The following KCNAB2 variants were observed in gnomAD, a reference collection of about 807,000 sequenced individuals.
KCNAB2 encodes voltage-gated potassium channel subunit beta-2.
A neutral mutation model predicts 63.6 loss-of-function variants in KCNAB2; 29 were observed. The observed-to-expected ratio is 0.46, with a 90% confidence interval of 0.34 to 0.62. The LOEUF is 0.62. Ranked by LOEUF, KCNAB2 falls within the 20% of genes least tolerant of loss-of-function variation. The pLI is 0.01. For missense variants in KCNAB2, 359 were observed against 563.9 expected (o/e 0.64, Z 3.68); for synonymous variants, 222 against 224.2 (o/e 0.99, Z 0.09).
chr1:6,065,225 C>G (rs545150559), intron 2 of KCNAB2, among the ~76,000 whole-genome samples: 1 of 152,240 alleles, frequency 6.6e-6, no homozygotes, highest in African/African-American at 2.4e-5. Context: ...ACATCCAGCC[C>G]GCAGAGTCCA....
At chr1:6,095,116 G>A (rs1309791231) in intron 11 of KCNAB2, among the ~76,000 whole-genome samples, 1 of 152,216 alleles carries the variant, frequency 6.6e-6, no homozygotes, top group African/African-American at 2.4e-5. Flanking sequence ...TCCGGCCTGG[G>A]GGTCCCACCA....
At chr1:6,058,671 C>T (rs79403991) in intron 2 of KCNAB2, among the ~76,000 whole-genome samples, 1 of 152,206 alleles carries the variant, frequency 6.6e-6, no homozygotes. Flanking sequence ...GGGTCTCACT[C>T]GTGCACCTAG....
At chr1:6,077,562 C>CG (rs955141448) in intron 4 of KCNAB2, among the ~76,000 whole-genome samples, 12 of 152,208 alleles carry the variant, frequency 7.9e-5, no homozygotes, top group South Asian at 4.1e-4. Context: ...TGCACGCCTT[C>CG]GGGGGTCTGT....
At position 6,099,906 on chromosome 1, in the gene KCNAB2, C is replaced by T; in HGVS notation, c.*1332C>T. ...AGGGCAAGGGATGCCAGTAAGTCTG[C>T]AGGTGCGGGGTGCCACCTACAGGCC... is the stretch of plus-strand genomic sequence containing the variant. On this transcript the variant is annotated 3_prime_UTR_variant, in exon 16 of 16. Coordinates refer to ENST00000378083, the MANE Select transcript of KCNAB2 (RefSeq NM_001199862.2). 1 of 1,550,368 alleles carries T rather than the reference C, an allele frequency of 6.5e-7. No individual in the cohort carries two copies. Among genetic ancestry groups the T allele is most frequent in the East Asian group, 2.4e-5 (1 of 40,900 alleles).
chr1:6,025,027 C>T (rs1431926144), intron 1 of KCNAB2, among the ~76,000 whole-genome samples: 3 of 152,212 alleles, frequency 2.0e-5, no homozygotes, highest in Admixed American at 2.0e-4. Context: ...CATGGCGCCT[C>T]GCTCTTTCTT....
chr1:6,074,393 G>A lies in KCNAB2; in HGVS notation c.300+623G>A, dbSNP rs569235404. 4.1e-4 allele frequency among the ~76,000 whole-genome samples: 63 copies of A among 152,206 alleles called. No individual in the cohort carries two copies. Among genetic ancestry groups the A allele is most frequent in the Non-Finnish European group, 8.2e-4 (56 of 68,050 alleles). Reference sequence around the variant, plus strand: ...GCCTCTGGGTCTCTCGGAAGGACAGGGACGGCACACGCCCAGACATGTGTG... The same window carrying A: ...GCCTCTGGGTCTCTCGGAAGGACAGAGACGGCACACGCCCAGACATGTGTG... On this transcript the variant is annotated intron_variant, in intron 4 of 15. Transcript: ENST00000378083. This position sits in a 1 kb window ranked among gnomAD's most constrained non-coding sequence, Gnocchi z 4.9.
In KCNAB2 at chr1:6,046,009, C is replaced by T; in HGVS notation, c.-201C>T. 3.0e-6 allele frequency: 3 copies of T among 985,432 alleles called. No individual in the cohort carries two copies. The highest frequency in any genetic ancestry group is 3.6e-6 in the Non-Finnish European group (3 of 829,924). The allele number at this position is 985,432 out of a possible 1,614,324, so 61.0% of individuals were successfully genotyped here. ...AACGCCCTAATAGAACTAATGGACT[C>T]GCTGCCTCAAAACTCGACTCTGGTG... On this transcript the variant is annotated 5_prime_UTR_variant, in exon 1 of 16. Coordinates refer to ENST00000378083, the MANE Select transcript of KCNAB2 (RefSeq NM_001199862.2).
intron 1 of KCNAB2, among the ~76,000 whole-genome samples, chr1:6,011,882 C>G (rs1366011760): frequency 6.6e-6 from 1 of 152,142 alleles, no homozygotes; most frequent in Non-Finnish European, 1.5e-5. Context: ...AGCAGAATTG[C>G]CCCCCGGAAG....
intron 1 of KCNAB2, among the ~76,000 whole-genome samples, chr1:6,017,158 G>A (rs553008661): frequency 6.6e-6 from 1 of 152,344 alleles, no homozygotes; most frequent in South Asian, 2.1e-4. Context: ...TAGGGCTGGG[G>A]ACGCAGGGTG....
chr1:6,013,499 C>T (rs1176608320), intron 1 of KCNAB2, among the ~76,000 whole-genome samples: 2 of 152,126 alleles, frequency 1.3e-5, no homozygotes, highest in African/African-American at 4.8e-5. Flanking sequence ...GAGGACAGCA[C>T]CAGCCTCCCC....
rs934875577 is a variant in KCNAB2, at chr1:6,076,705, G to A, written c.300+2935G>A. 3.9e-5 allele frequency among the ~76,000 whole-genome samples: 6 copies of A among 152,162 alleles called. No homozygotes were observed. In the East Asian group the frequency reaches 5.8e-4, roughly 15 times the overall value. ...GCCAGTGCTCAGCTGTGGGGTAACC[G>A]TACTGGGGTAGGGACAGATTCCTTG... On this transcript the variant is annotated intron_variant, in intron 4 of 15. Coordinates refer to ENST00000378083, the MANE Select transcript of KCNAB2 (RefSeq NM_001199862.2).
intron 1 of KCNAB2, among the ~76,000 whole-genome samples, chr1:6,046,507 C>T (rs7538582): frequency 1.1e-4 from 17 of 152,232 alleles, no homozygotes; most frequent in African/African-American, 3.4e-4. Context: ...GCTCGTACCT[C>T]GCTGTGTTCA....
rs950606650 is a variant in KCNAB2 at position 6,039,256 on chromosome 1, A to G, written c.-52-1261A>G. On this transcript the variant is annotated intron_variant, in intron 1 of 15. Coordinates refer to the KCNAB2 transcript ENST00000164247. The stretch of plus-strand genomic sequence containing the variant: ...AAGGCGGGGGCCTGGGTCAAGGGCC[A>G]GGCGGCAGAGCATAGGGGCCTGAGG... 3.3e-5 allele frequency among the ~76,000 whole-genome samples: 5 copies of G among 152,328 alleles called. No homozygotes were observed. The East Asian group carries it at 9.6e-4, about 29-fold the overall frequency.
rs1443664181 is a variant in KCNAB2, at chr1:6,078,996, T to TG, written c.301-3195dup. On this transcript the variant is annotated intron_variant, in intron 4 of 15. Transcript: ENST00000378083. The surrounding 1 kb of genome is among the most constrained non-coding windows in gnomAD (Gnocchi z 4.2). ...CAGAGCAGGGTGGGCACCGTGGAGG[T>TG]GGGGAGACGGGTCAGATTCTGGACT... is the stretch of plus-strand genomic sequence containing the variant. Among the ~76,000 whole-genome samples, 1 of 151,934 alleles carries TG rather than the reference T, an allele frequency of 6.6e-6. No homozygotes were observed. The highest frequency in any genetic ancestry group is 2.4e-5 in the African/African-American group (1 of 41,366).
At chr1:6,036,745 G>T (rs1402129462) in intron 1 of KCNAB2, among the ~76,000 whole-genome samples, 1 of 151,830 alleles carries the variant, frequency 6.6e-6, no homozygotes, top group African/African-American at 2.4e-5. Flanking sequence ...GTGGAAGGTG[G>T]CTTCTGATTG....
chr1:6,042,844 C>CT (rs1491464565), upstream of KCNAB2, among the ~76,000 whole-genome samples: 22 of 28,620 alleles, frequency 7.7e-4, 3 homozygotes, highest in Admixed American at 6.5e-3. Flanking sequence ...CCACTCCCCA[C>CT]CCCCCCCCCC....
rs552437578 is a variant in KCNAB2, at chr1:6,000,591, C to A, written c.-53+7803C>A. Among the ~76,000 whole-genome samples, 5 of 152,068 alleles carry A rather than the reference C, an allele frequency of 3.3e-5. No homozygotes were observed. The East Asian group carries it at 9.7e-4, about 29-fold the overall frequency. ...GCTCCTGTGAGGAGTGAACCCCACC[C>A]CCCGCCGCTCTGCTGGTGTGAGTGA... On this transcript the variant is annotated intron_variant, in intron 1 of 16. Transcript: ENST00000341524.
In KCNAB2 at chr1:6,096,582, T is replaced by A; in HGVS notation, c.949-54T>A. On this transcript the variant is annotated intron_variant, in intron 13 of 15. Transcript: ENST00000378083. The surrounding 1 kb of genome is among the most constrained non-coding windows in gnomAD (Gnocchi z 5.9). ...CCCATCGGCCCCCTGCACGTGGGGG[T>A]CCAGGTGACCTGCTCTCATCTGTAG... The A allele has an allele frequency of 6.4e-7, 1 of 1,567,958 alleles. No individual in the cohort carries two copies. Among genetic ancestry groups the A allele is most frequent in the Non-Finnish European group, 8.7e-7 (1 of 1,153,448 alleles).
intron 2 of KCNAB2, among the ~76,000 whole-genome samples, chr1:6,061,934 C>T (rs959684284): frequency 6.6e-6 from 1 of 151,992 alleles, no homozygotes; most frequent in Non-Finnish European, 1.5e-5. Context: ...CCAAATTCAC[C>T]CACTAGATGA....
Sources: gnomAD v4.1 joint callset for allele counts (sites outside exome capture counted in the v4.1 genomes callset) on GRCh38, gnomAD v4.1.1 for gene constraint, Gnocchi (gnomAD v3.1) non-coding constraint, MANE v1.5 for transcripts, NCBI Gene and HGNC (gene_info 2026-07-23, HGNC 2026-07-21) for gene names.